The following ABTB3 variants were observed in gnomAD, a reference collection of about 807,000 sequenced individuals.
The protein encoded by ABTB3 is ankyrin repeat and BTB domain containing 3.
At chr12:107,500,423 C>G in the ABTB3 span, among the ~76,000 whole-genome samples, 1 of 152,192 alleles carries the variant, frequency 6.6e-6, no homozygotes, top group Non-Finnish European at 1.5e-5. Context: ...TAGGCTGCTG[C>G]CCTTTGATTC....
chr12:107,369,951 G>A, the ABTB3 span, among the ~76,000 whole-genome samples: 1 of 151,998 alleles, frequency 6.6e-6, no homozygotes, highest in Non-Finnish European at 1.5e-5. Flanking sequence ...TTACAGCCAC[G>A]TGAACTTGAA....
At chr12:107,373,242 C>T in the ABTB3 span, among the ~76,000 whole-genome samples, 1 of 152,208 alleles carries the variant, frequency 6.6e-6, no homozygotes, top group Non-Finnish European at 1.5e-5. Context: ...GGTTTTCTCC[C>T]ATTTACTGTT....
chr12:107,399,039 A>T, the ABTB3 span, among the ~76,000 whole-genome samples: 1 of 152,214 alleles, frequency 6.6e-6, no homozygotes, highest in Non-Finnish European at 1.5e-5. Context: ...CACATTGCCT[A>T]TGAAGTATAA....
chr12:107,479,007 T>G, the ABTB3 span, among the ~76,000 whole-genome samples: 16 of 152,146 alleles, frequency 1.1e-4, no homozygotes, highest in African/African-American at 3.6e-4. Context: ...CTGTCCCACC[T>G]CCTTTTCCCT....
chr12:107,370,013 T>C, the ABTB3 span, among the ~76,000 whole-genome samples: 1 of 152,192 alleles, frequency 6.6e-6, no homozygotes, highest in Non-Finnish European at 1.5e-5. Flanking sequence ...TAAACAGCGA[T>C]GATGATATGT....
the ABTB3 span, among the ~76,000 whole-genome samples, chr12:107,415,652 C>T: frequency 6.6e-6 from 1 of 151,640 alleles, no homozygotes; most frequent in East Asian, 1.9e-4. Context: ...AGTTTGCAGT[C>T]ATCCGAGATC....
the ABTB3 span, among the ~76,000 whole-genome samples, chr12:107,601,049 A>G: frequency 6.6e-6 from 1 of 152,234 alleles, no homozygotes. Context: ...TGAATTACGC[A>G]TTCCATGTAT....
At chr12:107,506,284 C>T in the ABTB3 span, among the ~76,000 whole-genome samples, 1 of 152,052 alleles carries the variant, frequency 6.6e-6, no homozygotes, top group African/African-American at 2.4e-5. Flanking sequence ...AAACTCAGAA[C>T]CCATAAAGAG....
chr12:107,360,354 C>A, the ABTB3 span, among the ~76,000 whole-genome samples: 1 of 152,100 alleles, frequency 6.6e-6, no homozygotes, highest in Non-Finnish European at 1.5e-5. Context: ...TGGGGGACAG[C>A]AAGAGTTTTG....
chr12:107,452,105 T>C, the ABTB3 span, among the ~76,000 whole-genome samples: 3 of 152,200 alleles, frequency 2.0e-5, no homozygotes, highest in Non-Finnish European at 4.4e-5. Flanking sequence ...TCAGCAATTA[T>C]TGAGCACTGA....
At chr12:107,430,658 C>T in the ABTB3 span, among the ~76,000 whole-genome samples, 1 of 152,100 alleles carries the variant, frequency 6.6e-6, no homozygotes, top group East Asian at 1.9e-4. Flanking sequence ...AAAATAATGG[C>T]GATACGTCCC....
chr12:107,565,722 C>T, the ABTB3 span, among the ~76,000 whole-genome samples: 3 of 152,174 alleles, frequency 2.0e-5, no homozygotes, highest in Non-Finnish European at 2.9e-5. Context: ...ACCCTACAGC[C>T]GGCCCCAGAA....
the ABTB3 span, among the ~76,000 whole-genome samples, chr12:107,608,293 G>A: frequency 4.6e-5 from 7 of 152,136 alleles, no homozygotes; most frequent in Non-Finnish European, 8.8e-5. Flanking sequence ...CACATCTCCC[G>A]GCCTCTAGGG....
chr12:107,572,921 C>T, the ABTB3 span, among the ~76,000 whole-genome samples: 1 of 152,194 alleles, frequency 6.6e-6, no homozygotes, highest in African/African-American at 2.4e-5. Context: ...TTAGGATGTG[C>T]AGCTGGAAAG....
chr12:107,565,128 A>T, the ABTB3 span, among the ~76,000 whole-genome samples: 1 of 152,184 alleles, frequency 6.6e-6, no homozygotes, highest in African/African-American at 2.4e-5. Context: ...AAACAGGAGA[A>T]CAGGTGCAAA....
the ABTB3 span, among the ~76,000 whole-genome samples, chr12:107,607,428 C>T: frequency 6.6e-6 from 1 of 152,202 alleles, no homozygotes; most frequent in East Asian, 1.9e-4. Flanking sequence ...AGCCCTCTGT[C>T]TTCCCTGGGG....
At chr12:107,556,915 G>A in the ABTB3 span, among the ~76,000 whole-genome samples, 3 of 152,080 alleles carry the variant, frequency 2.0e-5, no homozygotes, top group Non-Finnish European at 4.4e-5. Context: ...GGGAGGCTGA[G>A]GCAGGAGAAT....
At chr12:107,423,186 T>C in the ABTB3 span, among the ~76,000 whole-genome samples, 1 of 152,196 alleles carries the variant, frequency 6.6e-6, no homozygotes, top group Non-Finnish European at 1.5e-5. Context: ...GCAAAAATAA[T>C]CAATGTATAC....
chr12:107,323,926 A>G, the ABTB3 span, among the ~76,000 whole-genome samples: 1 of 152,154 alleles, frequency 6.6e-6, no homozygotes, highest in Non-Finnish European at 1.5e-5. Flanking sequence ...TCACCTGTAA[A>G]GGCAGTTGTT....
Sources: allele counts gnomAD v4.1 joint callset (sites outside exome capture counted in the v4.1 genomes callset), GRCh38; gene constraint gnomAD v4.1.1; transcripts MANE v1.5; gene names NCBI Gene and HGNC (gene_info 2026-07-23, HGNC 2026-07-21).